The following SP110 variants were observed in gnomAD, a reference collection of about 807,000 sequenced individuals.
SP110 encodes SP110 nuclear body protein, also known as interferon-induced protein 41, 30kD.
A neutral mutation model predicts 92.7 loss-of-function variants in SP110; 62 were observed. That is an observed-to-expected ratio of 0.67 (90% CI 0.55 to 0.83). The LOEUF (loss-of-function observed/expected upper bound fraction) is 0.83. Ranked by LOEUF, SP110 falls within the 40% of genes least tolerant of loss-of-function variation. The pLI is 0.00. For synonymous variants in SP110, 273 were observed against 305.3 expected (o/e 0.89, Z 1.10); for missense variants, 793 against 863.9 (o/e 0.92, Z 1.03).
At chr2:230,189,233 A>G (rs2042498755) in intron 10 of SP110, among the ~76,000 whole-genome samples, 1 of 150,010 alleles carries the variant, frequency 6.7e-6, no homozygotes, top group Admixed American at 6.6e-5. Flanking sequence ...TTTTTCTGCT[A>G]GCTTTGGGTT....
At position 230,199,148 on chromosome 2, in the gene SP110, A is replaced by T. The variant is rs28575861; in HGVS notation, c.1129+1737T>A. Among the ~76,000 whole-genome samples, 1,242 of 139,020 alleles carry T rather than the reference A, an allele frequency of 8.9e-3. 11 individuals carry two copies. Among genetic ancestry groups the T allele is most frequent in the African/African-American group, 0.019 (686 of 35,708 alleles). The allele number at this position is 139,020 out of a possible 152,430, so 91.2% of individuals were successfully genotyped here. On this transcript the variant is annotated intron_variant, in intron 10 of 18. Coordinates refer to ENST00000258381, the MANE Select transcript of SP110 (RefSeq NM_080424.4). Reference sequence around the variant, plus strand: ...AGCTACTATTATTATTATTATTATTATTTTTTTTTTTTTTTAGTGGGGTGA... The same window carrying T: ...AGCTACTATTATTATTATTATTATTTTTTTTTTTTTTTTTTAGTGGGGTGA...
At chr2:230,220,515 T>C (rs889803920), upstream of SP110, among the ~76,000 whole-genome samples, 2 of 152,134 alleles carry the variant, frequency 1.3e-5, no homozygotes, top group South Asian at 4.1e-4. Flanking sequence ...TGAACTGGAA[T>C]TGTGCAGAGG....
intron 7 of SP110, among the ~76,000 whole-genome samples, chr2:230,209,682 G>A (rs2044254086): frequency 1.3e-5 from 2 of 152,176 alleles, no homozygotes; most frequent in Admixed American, 1.3e-4. Flanking sequence ...GTGAATATAG[G>A]AGATTGATTT....
At chr2:230,171,865 C>T in intron 16 of SP110, 98 bp from the exon 17 acceptor site, 2 of 982,192 alleles carry the variant, frequency 2.0e-6, no homozygotes, top group Non-Finnish European at 3.3e-6. Context: ...CAGCCAAGCC[C>T]AGTCAGCATT....
At chr2:230,206,961 G>T (rs1032803694) in intron 8 of SP110, among the ~76,000 whole-genome samples, 1 of 152,014 alleles carries the variant, frequency 6.6e-6, no homozygotes, top group Non-Finnish European at 1.5e-5. Context: ...AACTGGAGTG[G>T]TCTTTCCCTA....
At chr2:230,209,606 T>C (rs112228854) in intron 7 of SP110, among the ~76,000 whole-genome samples, 6,622 of 152,210 alleles carry the variant, frequency 0.044, 358 homozygotes, top group African/African-American at 0.13. Context: ...TAAGAGGAAG[T>C]GGGTTCCTCT....
intron 9 of SP110, 135 bp downstream of exon 9, chr2:230,202,444 T>C (rs1270219072): frequency 3.8e-6 from 3 of 791,236 alleles, no homozygotes; most frequent in Non-Finnish European, 6.2e-6. Flanking sequence ...GTTCCTCTTG[T>C]TATACCCCAT....
At chr2:230,170,577 G>A in intron 18 of SP110, 44 bp downstream of exon 18, 4 of 1,612,246 alleles carry the variant, frequency 2.5e-6, no homozygotes, top group Non-Finnish European at 3.4e-6. Context: ...GAAATTAGGG[G>A]AAAGTAGAAA....
At chr2:230,218,744 GCAAGATA>G (rs1456095904) in intron 1 of SP110, among the ~76,000 whole-genome samples, 1 of 152,158 alleles carries the variant, frequency 6.6e-6, no homozygotes, top group Non-Finnish European at 1.5e-5. Context: ...TTCTTTCTAT[GCAAGATA>G]CTACATCTCA....
Position 230,215,099 on chromosome 2 carries a change from C to A in SP110, c.167G>T (p.Arg56Ile). ...CACTCTGGATACAGGGATCAAATTT[C>A]TACAGGCTTCCAGAGATTCCTATAA... Reference protein sequence around the residue: ...RMYMESLEACRNLIPVSRVVH... With the variant: ...RMYMESLEACINLIPVSRVVH... Residue 56 changes from arginine (R) to isoleucine (I), a missense_variant, in exon 3 of 19, where the codon AGA (arginine) becomes ATA (isoleucine). Physicochemically the swap from Arg to Ile is moderately conservative, Grantham distance 97. Transcript: ENST00000258381. 1 of 1,613,798 alleles carries A rather than the reference C, an allele frequency of 6.2e-7. No homozygotes were observed. Among genetic ancestry groups the A allele is most frequent in the South Asian group, 1.1e-5 (1 of 91,058 alleles).
In SP110 at chr2:230,212,348, T is replaced by G; in HGVS notation, c.666A>C (p.Gln222His). The G allele has an allele frequency of 6.2e-7, 1 of 1,609,200 alleles. No individual in the cohort carries two copies. Among genetic ancestry groups the G allele is most frequent in the Non-Finnish European group, 8.5e-7 (1 of 1,175,424 alleles). The part of the protein sequence containing the change: ...EMPSLLTSTV[Q>H]VASDNLIPQI... Reference sequence around the variant, plus strand: ...GGTATCAGCCCCAGTCAGTGTTACCTTGCACAGTGCTAGTGAGGAGGCTGG... The same window carrying G: ...GGTATCAGCCCCAGTCAGTGTTACCGTGCACAGTGCTAGTGAGGAGGCTGG... The change falls in exon 5 of 19, where the codon CAA becomes CAC. Residue 222 changes from glutamine to histidine, a missense_variant and splice_region_variant. Transcript: ENST00000258381.
intron 10 of SP110, among the ~76,000 whole-genome samples, chr2:230,198,846 C>A (rs976843560): frequency 2.0e-5 from 3 of 152,184 alleles, no homozygotes; most frequent in African/African-American, 7.2e-5. Flanking sequence ...GATCCACCCA[C>A]CTCGGCCTCC....
At position 230,213,125 on chromosome 2, in the gene SP110, A is replaced by T. The variant is rs892285665; in HGVS notation, c.317-98T>A. 3 of 1,192,368 alleles carry T rather than the reference A, an allele frequency of 2.5e-6. No homozygotes were observed. The African/African-American group carries it at 4.5e-5, about 18-fold the overall frequency. The allele number at this position is 1,192,368 out of a possible 1,614,324, so 73.9% of individuals were successfully genotyped here. On this transcript the variant is annotated intron_variant, in intron 3 of 18. Transcript: ENST00000258381. ...ACATGCCTTCCAATAGGATGGGGGCATGGAGCTATTCATTGTCCCCCAGGT... is the reference window on the plus strand; with the variant it reads ...ACATGCCTTCCAATAGGATGGGGGCTTGGAGCTATTCATTGTCCCCCAGGT...
At chr2:230,203,927 G>A (rs1261233443) in intron 8 of SP110, among the ~76,000 whole-genome samples, 1 of 152,132 alleles carries the variant, frequency 6.6e-6, no homozygotes, top group Admixed American at 6.5e-5. Context: ...GGTGATGGTT[G>A]CACAACATTG....
intron 11 of SP110, among the ~76,000 whole-genome samples, chr2:230,183,967 T>A (rs779076577): frequency 3.3e-5 from 5 of 152,182 alleles, no homozygotes; most frequent in Non-Finnish European, 7.3e-5. Flanking sequence ...CTCCAGTGGA[T>A]GCCTGAAACC....
At chr2:230,189,197 T>C (rs944322388) in intron 10 of SP110, among the ~76,000 whole-genome samples, 1 of 152,108 alleles carries the variant, frequency 6.6e-6, no homozygotes, top group African/African-American at 2.4e-5. Flanking sequence ...GTTTCAATTT[T>C]ATTTCATTCT....
chr2:230,191,542 A>C (rs2042632297), intron 10 of SP110, among the ~76,000 whole-genome samples: 2 of 152,208 alleles, frequency 1.3e-5, no homozygotes, highest in African/African-American at 4.8e-5. Context: ...GAAGAAATGG[A>C]TAAATTCCTG....
At position 230,183,618 on chromosome 2, in the gene SP110, G is replaced by A. The variant is rs1186051322; in HGVS notation, c.1302C>T (p.Ile434=). 1.9e-6 allele frequency: 3 copies of A among 1,595,638 alleles called. No homozygotes were observed. The Admixed American group carries it at 5.0e-5, about 27-fold the overall frequency. Residue 434 remains isoleucine, a synonymous_variant, in exon 12 of 19, where the codon ATC becomes ATT. Transcript: ENST00000258381. The part of the protein sequence containing the change: ...RLKEKKKEKD[I]CSSSKRRFQK... ...GAAATCTCCTTTTTGAGCTTGAACA[G>A]ATATCTTTCTCCTTTTTCTTTTCTA...
chr2:230,214,985 G>C lies in SP110; in HGVS notation c.281C>G (p.Pro94Arg). 1 of 1,613,922 alleles carries C rather than the reference G, an allele frequency of 6.2e-7. No individual in the cohort carries two copies. The highest frequency in any genetic ancestry group is 8.5e-7 in the Non-Finnish European group (1 of 1,179,854). The change falls in exon 3 of 19, where the codon CCC (proline) becomes CGC (arginine). Residue 94 changes from proline (P) to arginine (R), a missense_variant. Coordinates refer to ENST00000258381, the MANE Select transcript of SP110 (RefSeq NM_080424.4). ...LFSQINLREY[P>R]NLVTIYRSFK... ...GCTTCTGTAAATCGTCACCAGATTGGGATATTCACGCAGGTTAATTTGACT... is the reference window on the plus strand; with the variant it reads ...GCTTCTGTAAATCGTCACCAGATTGCGATATTCACGCAGGTTAATTTGACT...
Sources: gnomAD v4.1 joint callset for allele counts (sites outside exome capture counted in the v4.1 genomes callset) on GRCh38, gnomAD v4.1.1 for gene constraint, MANE v1.5 for transcripts, NCBI Gene and HGNC (gene_info 2026-07-23, HGNC 2026-07-21) for gene names.